Variants in KCNN2 observed in about 807,000 individuals in gnomAD.
KCNN2 encodes the protein potassium calcium-activated channel subfamily N member 2.
A neutral mutation model predicts 55.5 loss-of-function variants in KCNN2; 24 were observed. The observed-to-expected ratio is 0.43, with a 90% CI of 0.31 to 0.61. The LOEUF (loss-of-function observed/expected upper bound fraction) is 0.61, where lower values mean the gene tolerates loss of function less well. KCNN2 is among the 20% of genes least tolerant of loss of function. KCNN2 has a pLI of 0.08. For missense variants in KCNN2, 754 were observed against 853.6 expected (o/e 0.88, Z 1.45); for synonymous variants, 431 against 336.1 (o/e 1.28, Z -3.09).
Position 114,493,375 on chromosome 5 carries a change from CT to C in KCNN2, c.2019-25del, listed in dbSNP as rs150233829. 144 of 1,421,684 alleles carry C rather than the reference CT, an allele frequency of 1.0e-4. No homozygotes were observed. The African/African-American group carries it at 2.0e-3, about 19-fold the overall frequency. The allele number at this position is 1,421,684 out of a possible 1,614,324, so 88.1% of individuals were successfully genotyped here. A position where few individuals can be genotyped will look rare whatever the true frequency, so the allele number is the denominator to read the frequency against. ...AAGATTGCCATAGGAAGAAGGGAACCTTTCTGATACCAGATTCTATCTTTTA... is the reference window on the plus strand; with the variant it reads ...AAGATTGCCATAGGAAGAAGGGAACCTTCTGATACCAGATTCTATCTTTTA... On this transcript the variant is annotated intron_variant, in intron 6 of 7. Transcript: ENST00000673685.
At chr5:114,463,553 A>ACTAT (rs1258707640) in intron 4 of KCNN2, among the ~76,000 whole-genome samples, 17 of 152,324 alleles carry the variant, frequency 1.1e-4, no homozygotes, top group African/African-American at 3.8e-4. Flanking sequence ...GCCCATAATA[A>ACTAT]CTATCTTGAA....
chr5:114,201,141 G>A (rs1463961054), intron 1 of KCNN2, among the ~76,000 whole-genome samples: 1 of 152,018 alleles, frequency 6.6e-6, no homozygotes, highest in Non-Finnish European at 1.5e-5. Context: ...AAGCAGTCTG[G>A]GTTGGTGGTG....
At chr5:114,346,237 G>A (rs1385485347) in intron 2 of KCNN2, among the ~76,000 whole-genome samples, 4 of 152,100 alleles carry the variant, frequency 2.6e-5, no homozygotes, top group Non-Finnish European at 4.4e-5. Flanking sequence ...GCCATGCGAC[G>A]ACAACACCAA....
At chr5:114,388,820 A>G (rs879454336) in intron 2 of KCNN2, among the ~76,000 whole-genome samples, 1 of 151,910 alleles carries the variant, frequency 6.6e-6, no homozygotes, top group Non-Finnish European at 1.5e-5. Flanking sequence ...AGTTTTTTTT[A>G]TTTTAACAAT....
intron 1 of KCNN2, among the ~76,000 whole-genome samples, chr5:114,166,003 C>T (rs533965835): frequency 6.6e-6 from 1 of 152,154 alleles, no homozygotes; most frequent in South Asian, 2.1e-4. Flanking sequence ...ATATGTCTTA[C>T]CATCTATAAA....
chr5:114,261,021 T>A (rs960173112), intron 2 of KCNN2, among the ~76,000 whole-genome samples: 5 of 152,186 alleles, frequency 3.3e-5, no homozygotes, highest in Non-Finnish European at 5.9e-5. Context: ...TTTTCTGGTG[T>A]GGTTATATTA....
rs1169117024 is a variant in KCNN2, at chr5:114,340,908, A to T, written c.-184-20037A>T. Among the ~76,000 whole-genome samples, 2 of 152,148 alleles carry T rather than the reference A, an allele frequency of 1.3e-5. 1 individual carries two copies. Among genetic ancestry groups the T allele is most frequent in the East Asian group, 3.9e-4 (2 of 5,194 alleles). On this transcript the variant is annotated intron_variant, in intron 2 of 10. Coordinates refer to the KCNN2 transcript ENST00000512097. ...CTGTTTATGAGTTTGACATTTTTAT[A>T]TTCCACATATAAGTAAGGTCATGCA...
chr5:114,090,455 T>G (rs921243375), intron 1 of KCNN2, among the ~76,000 whole-genome samples: 2 of 152,002 alleles, frequency 1.3e-5, no homozygotes, highest in African/African-American at 4.8e-5. Flanking sequence ...GGACAAAATA[T>G]TCACAGGTTT....
chr5:114,273,724 GT>G (rs1755422060), intron 2 of KCNN2, among the ~76,000 whole-genome samples: 1 of 152,082 alleles, frequency 6.6e-6, no homozygotes, highest in South Asian at 2.1e-4. Context: ...ATTTGTTTTA[GT>G]TCTTTGTAGA....
intron 1 of KCNN2, among the ~76,000 whole-genome samples, chr5:114,137,024 A>G (rs1423409576): frequency 6.6e-6 from 1 of 152,170 alleles, no homozygotes; most frequent in Non-Finnish European, 1.5e-5. Flanking sequence ...TCTCTGTCCT[A>G]CTATTCGTGG....
chr5:114,279,727 C>G (rs1755580637), intron 2 of KCNN2, among the ~76,000 whole-genome samples: 1 of 152,036 alleles, frequency 6.6e-6, no homozygotes, highest in South Asian at 2.1e-4. Context: ...GGTTCCAAGT[C>G]TTTGCTATTG....
intron 2 of KCNN2, among the ~76,000 whole-genome samples, chr5:114,287,055 A>G (rs1277044251): frequency 6.6e-6 from 1 of 152,246 alleles, no homozygotes; most frequent in Non-Finnish European, 1.5e-5. Flanking sequence ...TAGTAAGCTC[A>G]GAATCGTCAG....
chr5:114,401,726 CT>C (rs1758793326), intron 2 of KCNN2, among the ~76,000 whole-genome samples: 1 of 152,124 alleles, frequency 6.6e-6, no homozygotes, highest in Non-Finnish European at 1.5e-5. Context: ...TAGATGGAGA[CT>C]TTCCAGGCCA....
intron 2 of KCNN2, among the ~76,000 whole-genome samples, chr5:114,251,862 TTTTTTC>T (rs1012734446): frequency 2.6e-4 from 40 of 150,954 alleles, no homozygotes; most frequent in African/African-American, 8.5e-4. Context: ...GGTTTTTCTG[TTTTTTC>T]TTTTTCTTTT....
intron 2 of KCNN2, among the ~76,000 whole-genome samples, chr5:114,239,251 T>A (rs557504947): frequency 2.0e-5 from 3 of 152,060 alleles, no homozygotes; most frequent in Non-Finnish European, 4.4e-5. Flanking sequence ...AACCCAGTGA[T>A]GTGGGAAATA....
chr5:114,160,621 A>C (rs1188776048), intron 1 of KCNN2, among the ~76,000 whole-genome samples: 1 of 152,024 alleles, frequency 6.6e-6, no homozygotes, highest in Non-Finnish European at 1.5e-5. Context: ...GTCTCCCATT[A>C]TTATTGTGTG....
chr5:114,487,312 A>G lies in KCNN2; in HGVS notation c.2018+135A>G, dbSNP rs184435858. On this transcript the variant is annotated intron_variant, in intron 6 of 7. Coordinates refer to ENST00000673685, the MANE Select transcript of KCNN2 (RefSeq NM_021614.4). ...TATTCCCAGAAGATGTTATCTGGCAATCTAATCATTCCACAATAAGATCCT... is the reference window on the plus strand; with the variant it reads ...TATTCCCAGAAGATGTTATCTGGCAGTCTAATCATTCCACAATAAGATCCT... 283 of 748,628 alleles carry G rather than the reference A, an allele frequency of 3.8e-4. No individual in the cohort carries two copies. In the African/African-American group the frequency reaches 4.6e-3, roughly 12 times the overall value. 46.4% of individuals were successfully genotyped at this position (748,628 alleles called of 1,614,324 possible).
intron 1 of KCNN2, among the ~76,000 whole-genome samples, chr5:114,084,089 A>G (rs922858311): frequency 6.6e-6 from 1 of 152,120 alleles, no homozygotes; most frequent in East Asian, 1.9e-4. Flanking sequence ...TTTGAAGGAT[A>G]TCTTAGTTGC....
At chr5:114,486,564 G>A (rs1747549055) in intron 5 of KCNN2, 1 of 289,362 alleles carries the variant, frequency 3.5e-6, no homozygotes, top group Non-Finnish European at 6.7e-6. Context: ...ATTCTGGGAG[G>A]CTATCAGTGC....
Sources: allele counts gnomAD v4.1 joint callset (sites outside exome capture counted in the v4.1 genomes callset), GRCh38; gene constraint gnomAD v4.1.1; transcripts MANE v1.5; gene names NCBI Gene and HGNC (gene_info 2026-07-23, HGNC 2026-07-21).